Variants in KAT6A observed in about 807,000 individuals in gnomAD.
The protein encoded by KAT6A is histone acetyltransferase KAT6A.
Under a neutral mutation model 198.4 loss-of-function variants are expected in KAT6A, and 9 were observed. The ratio of observed to expected loss-of-function variants is 0.05; its 90% CI spans 0.03 to 0.08. The LOEUF (loss-of-function observed/expected upper bound fraction) is 0.08. Ranked by LOEUF, KAT6A falls within the 10% of genes least tolerant of loss-of-function variation. KAT6A has a pLI of 1.00. For missense variants in KAT6A, 2,077 were observed against 2,509.9 expected (o/e 0.83, Z 3.69); for synonymous variants, 890 against 883.0 (o/e 1.01, Z -0.14).
intron 14 of KAT6A, 23 bp from the exon 15 acceptor site, chr8:41,941,467 T>C (rs766555129): frequency 3.9e-6 from 6 of 1,556,952 alleles, no homozygotes; most frequent in African/African-American, 1.4e-5. Context: ...AATAAAACAA[T>C]GCTGGTTAAT....
chr8:41,941,715 G>T (rs1404873501), intron 14 of KAT6A, among the ~76,000 whole-genome samples: 1 of 152,182 alleles, frequency 6.6e-6, no homozygotes, highest in Non-Finnish European at 1.5e-5. Context: ...AAAAATTTAA[G>T]TAATCTGCCC....
chr8:41,975,760 A>T (rs1176958705), intron 7 of KAT6A, among the ~76,000 whole-genome samples: 1 of 152,170 alleles, frequency 6.6e-6, no homozygotes, highest in Non-Finnish European at 1.5e-5. Context: ...CGCTCACACC[A>T]CTGTCAAAAA....
chr8:41,983,746 C>T (rs1283353567), intron 3 of KAT6A, among the ~76,000 whole-genome samples: 1 of 152,194 alleles, frequency 6.6e-6, no homozygotes, highest in Non-Finnish European at 1.5e-5. Context: ...TGCAGTGCCA[C>T]CAGCAAAAGA....
Position 42,038,986 on chromosome 8 carries a change from T to C in KAT6A, c.600+9392A>G, listed in dbSNP as rs577717137. Among the ~76,000 whole-genome samples the C allele has an allele frequency of 3.9e-5, 6 of 152,334 alleles. No homozygotes were observed. In the South Asian group the frequency reaches 6.2e-4, roughly 16 times the overall value. The stretch of plus-strand genomic sequence containing the variant: ...TGTTCCCTAATGAAGTTGAAAATAA[T>C]TCCTTGGCCTTGAATTTACAGATAC... On this transcript the variant is annotated intron_variant, in intron 2 of 16. Transcript: ENST00000265713.
At chr8:41,940,717 A>T in intron 15 of KAT6A, 125 bp downstream of exon 15, 1 of 1,163,058 alleles carries the variant, frequency 8.6e-7, no homozygotes, top group Non-Finnish European at 1.2e-6. Flanking sequence ...ACAGAGGCTT[A>T]AGGTTTATAA....
chr8:41,962,544 A>G (rs1221537930), intron 8 of KAT6A, among the ~76,000 whole-genome samples: 1 of 151,808 alleles, frequency 6.6e-6, no homozygotes, highest in Non-Finnish European at 1.5e-5. Flanking sequence ...TCCAAACACC[A>G]TGTCTCTTAC....
chr8:41,968,909 T>G (rs1823641337), intron 8 of KAT6A, among the ~76,000 whole-genome samples: 1 of 152,198 alleles, frequency 6.6e-6, no homozygotes, highest in South Asian at 2.1e-4. Context: ...GCAATAATTT[T>G]TTAAAAAAAT....
intron 2 of KAT6A, among the ~76,000 whole-genome samples, chr8:42,022,374 A>T (rs1280645962): frequency 1.2e-5 from 1 of 81,478 alleles, no homozygotes; most frequent in African/African-American, 7.4e-5. Flanking sequence ...CAACATAGTA[A>T]CAGTTTAAAA....
rs143887499 is a variant in KAT6A at position 41,934,658 on chromosome 8, C to T, written c.3562G>A (p.Val1188Ile). ...EIMPVSTQAC[V>I]IEPIVSIPKA... ...GGAATGGAAACGATGGGCTCAATGA[C>T]GCATGCTTGAGTAGAAACTGGCATG... The change falls in exon 17 of 17, where the codon GTC (valine) becomes ATC (isoleucine). Residue 1188 changes from valine (V) to isoleucine (I), a missense_variant. Val to Ile is a conservative substitution (Grantham distance 29, BLOSUM62 3). This residue lies in a region of KAT6A where 375 missense variants were observed against 383.0 expected (regional missense o/e 0.98). Coordinates refer to ENST00000265713, the MANE Select transcript of KAT6A (RefSeq NM_006766.5). The T allele has an allele frequency of 3.0e-5, 49 of 1,614,134 alleles. No homozygotes were observed. The highest frequency in any genetic ancestry group is 8.0e-5 in the African/African-American group (6 of 75,024).
intron 8 of KAT6A, among the ~76,000 whole-genome samples, chr8:41,966,319 A>T (rs534417964): frequency 1.4e-4 from 21 of 152,202 alleles, no homozygotes; most frequent in African/African-American, 5.1e-4. Context: ...GCCTCGGTGC[A>T]AATTTTATCA....
At chr8:41,976,930 A>G in intron 7 of KAT6A, 78 bp downstream of exon 7, 1 of 1,159,246 alleles carries the variant, frequency 8.6e-7, no homozygotes, top group Non-Finnish European at 1.2e-6. Context: ...ATATAAATCC[A>G]TTATAGATAA....
chr8:41,969,483 C>T (rs1257162675), intron 8 of KAT6A, among the ~76,000 whole-genome samples: 6 of 152,080 alleles, frequency 3.9e-5, no homozygotes, highest in African/African-American at 1.4e-4. Flanking sequence ...ATTCCAACTC[C>T]AAAATATATC....
chr8:41,931,056 C>T lies in KAT6A; in HGVS notation c.*1149G>A, dbSNP rs528079778. 3.2e-5 allele frequency: 7 copies of T among 218,136 alleles called. No individual in the cohort carries two copies. Among genetic ancestry groups the T allele is most frequent in the Non-Finnish European group, 5.5e-5 (6 of 108,496 alleles). 13.5% of individuals were successfully genotyped at this position (218,136 alleles called of 1,614,324 possible). ...TGATCTCCCTTCTGACACACATCTGCGCCATCTCTTCCAACATAAAATAAA... is the reference window on the plus strand; with the variant it reads ...TGATCTCCCTTCTGACACACATCTGTGCCATCTCTTCCAACATAAAATAAA... On this transcript the variant is annotated 3_prime_UTR_variant, in exon 17 of 17. Coordinates refer to ENST00000265713, the MANE Select transcript of KAT6A (RefSeq NM_006766.5).
In KAT6A at chr8:41,933,502, ATCGTGGAG is replaced by A; in HGVS notation, c.4710_4717del (p.Ser1571GlyfsTer73). The A allele has an allele frequency of 6.2e-7, 1 of 1,613,260 alleles. No homozygotes were observed. Among genetic ancestry groups the A allele is most frequent in the Non-Finnish European group, 8.5e-7 (1 of 1,179,288 alleles). ...GCTGTTCCCACAGATGCTGCCGCCC[ATCGTGGAG>A]TCGTAACTGCTTGGGTTCTCATAGT... is the stretch of plus-strand genomic sequence containing the variant. On this transcript the variant is annotated frameshift_variant, in exon 17 of 17. Transcript: ENST00000265713. LOFTEE classifies it high-confidence loss of function. The surrounding 1 kb of genome is among the most constrained non-coding windows in gnomAD (Gnocchi z 6.2).
Position 41,934,790 on chromosome 8 carries a change from T to C in KAT6A, c.3430A>G (p.Thr1144Ala), listed in dbSNP as rs199533733. The C allele has an allele frequency of 8.1e-6, 13 of 1,614,004 alleles. No individual in the cohort carries two copies. The East Asian group carries it at 2.5e-4, about 30-fold the overall frequency. The change falls in exon 17 of 17, where the codon ACA (threonine) becomes GCA (alanine). Residue 1144 changes from threonine to alanine, a missense_variant. Physicochemically the swap from Thr to Ala is moderately conservative, Grantham distance 58 (BLOSUM62 0). Around this residue, in one of 13 missense-constraint regions of KAT6A, gnomAD observed 375 missense variants for 383.0 expected, o/e 0.98. Coordinates refer to ENST00000265713, the MANE Select transcript of KAT6A (RefSeq NM_006766.5). ...CATCCCTTTTTCTTTTTCAAAGGTGTGGATGTATCTGGCTCAAGAGGAGAA... is the reference window on the plus strand; with the variant it reads ...CATCCCTTTTTCTTTTTCAAAGGTGCGGATGTATCTGGCTCAAGAGGAGAA... ...KNSPLEPDTS[T>A]PLKKKKGWPK... is the part of the protein sequence containing the mutation.
chr8:42,041,192 C>T (rs1171588160), intron 2 of KAT6A, among the ~76,000 whole-genome samples: 1 of 88,888 alleles, frequency 1.1e-5, no homozygotes, highest in Admixed American at 1.2e-4. Flanking sequence ...GATTCCGTCT[C>T]AAAAAAAAAA....
Position 41,980,940 on chromosome 8 carries a change from AGAAAG to A in KAT6A, c.826-18_826-14del. ...AGAGCATGTTATCCTATTAGAAAAAAGAAAGGACAGTTTTGCTTAACCTTATGAAG... is the reference window on the plus strand; with the variant it reads ...AGAGCATGTTATCCTATTAGAAAAAAGACAGTTTTGCTTAACCTTATGAAG... On this transcript the variant is annotated splice_polypyrimidine_tract_variant and intron_variant, in intron 4 of 16. Coordinates refer to ENST00000265713, the MANE Select transcript of KAT6A (RefSeq NM_006766.5). The A allele has an allele frequency of 1.9e-6, 3 of 1,584,864 alleles. No homozygotes were observed. The highest frequency in any genetic ancestry group is 2.6e-6 in the Non-Finnish European group (3 of 1,155,280).
At chr8:42,034,108 G>GA (rs1827260276) in intron 2 of KAT6A, among the ~76,000 whole-genome samples, 1 of 152,010 alleles carries the variant, frequency 6.6e-6, no homozygotes, top group Non-Finnish European at 1.5e-5. Context: ...TTATGAGGAA[G>GA]AAAAAATGGA....
At chr8:42,016,589 T>C (rs1826280947) in intron 2 of KAT6A, among the ~76,000 whole-genome samples, 2 of 152,194 alleles carry the variant, frequency 1.3e-5, no homozygotes, top group Admixed American at 6.5e-5. Flanking sequence ...AAAGTCAAAC[T>C]GTAATATCCA....
Sources: gnomAD v4.1 joint callset for allele counts (sites outside exome capture counted in the v4.1 genomes callset) on GRCh38, gnomAD v4.1.1 for gene constraint, gnomAD v4.1.1 regional missense constraint, Gnocchi (gnomAD v3.1) non-coding constraint, MANE v1.5 for transcripts, NCBI Gene and HGNC (gene_info 2026-07-23, HGNC 2026-07-21) for gene names.